Variants in KLRG1 observed in about 807,000 individuals in gnomAD.
KLRG1 encodes the protein killer cell lectin like receptor G1.
A neutral mutation model predicts 21.8 loss-of-function variants in KLRG1; 16 were observed. The ratio of observed to expected loss-of-function variants is 0.73; its 90% CI spans 0.50 to 1.11. The LOEUF (loss-of-function observed/expected upper bound fraction) is 1.11, where lower values mean the gene tolerates loss of function less well. Ranked by LOEUF, KLRG1 falls within the 50% of genes most tolerant of loss-of-function variation. The pLI is 0.00. For missense variants in KLRG1, 173 were observed against 218.3 expected (o/e 0.79, Z 1.31); for synonymous variants, 69 against 75.9 (o/e 0.91, Z 0.47).
the KLRG1 span, among the ~76,000 whole-genome samples, chr12:9,198,250 G>T: frequency 6.6e-6 from 1 of 151,936 alleles, no homozygotes; most frequent in East Asian, 1.9e-4. Flanking sequence ...ACTTAAGGAG[G>T]TTTAGGCAGG....
At chr12:9,201,311 T>C in the KLRG1 span, 4 of 1,526,344 alleles carry the variant, frequency 2.6e-6, no homozygotes, top group Admixed American at 1.7e-5. Context: ...TATAAGATAC[T>C]TTTTCTGATA....
At chr12:9,106,643 A>G in the KLRG1 span, 1 of 1,071,928 alleles carries the variant, frequency 9.3e-7, no homozygotes, top group Non-Finnish European at 1.4e-6. Flanking sequence ...AATATAATGC[A>G]TATTATACTA....
upstream of KLRG1, among the ~76,000 whole-genome samples, chr12:8,989,157 A>G (rs960086558): frequency 6.6e-6 from 1 of 152,170 alleles, no homozygotes; most frequent in Non-Finnish European, 1.5e-5. Context: ...GATTCCAGGC[A>G]TATGCACCCA....
At chr12:9,037,652 T>C in the KLRG1 span, among the ~76,000 whole-genome samples, 1 of 152,220 alleles carries the variant, frequency 6.6e-6, no homozygotes, top group South Asian at 2.1e-4. Flanking sequence ...CAACTTCCAG[T>C]CCTGCAAACC....
chr12:9,018,290 G>C, the KLRG1 span, among the ~76,000 whole-genome samples: 1 of 151,624 alleles, frequency 6.6e-6, no homozygotes, highest in Non-Finnish European at 1.5e-5. Context: ...CACAAACCCA[G>C]AATAGCCAAA....
At chr12:9,064,411 C>T in the KLRG1 span, 3 of 154,282 alleles carry the variant, frequency 1.9e-5, no homozygotes, top group Middle Eastern at 5.2e-4. This position sits in a 1 kb window ranked among gnomAD's most constrained non-coding sequence, Gnocchi z 4.0. Flanking sequence ...CTGTGCCTCG[C>T]GTCCCCTGTG....
At chr12:9,166,204 T>A in the KLRG1 span, 2 of 1,608,588 alleles carry the variant, frequency 1.2e-6, no homozygotes, top group Non-Finnish European at 1.7e-6. Context: ...CTAGACCTGC[T>A]AAAGTAAGAG....
At chr12:9,042,959 A>G in the KLRG1 span, among the ~76,000 whole-genome samples, 1 of 152,130 alleles carries the variant, frequency 6.6e-6, no homozygotes, top group Non-Finnish European at 1.5e-5. Context: ...CAGAATTGCT[A>G]TGATGAGTGA....
chr12:9,069,779 A>G, the KLRG1 span: 1 of 1,613,188 alleles, frequency 6.2e-7, no homozygotes, highest in South Asian at 1.1e-5. Context: ...GTTGCTGCTG[A>G]CTTCTGTCCG....
At chr12:9,128,086 G>T in the KLRG1 span, 1 of 203,572 alleles carries the variant, frequency 4.9e-6, no homozygotes, top group Non-Finnish European at 1.0e-5. Flanking sequence ...CCCCGGCCAG[G>T]GCTGACCTGA....
chr12:9,199,480 A>G, the KLRG1 span, among the ~76,000 whole-genome samples: 2 of 152,168 alleles, frequency 1.3e-5, no homozygotes, highest in African/African-American at 4.8e-5. Context: ...ATTTCTGGTT[A>G]TTGAACAATT....
At chr12:9,152,830 G>A in the KLRG1 span, 1 of 1,614,030 alleles carries the variant, frequency 6.2e-7, no homozygotes. Flanking sequence ...TTACCTGATG[G>A]TCAGTGAGAT....
At chr12:8,957,380 A>G (rs1324751044) in intron 1 of KLRG1, among the ~76,000 whole-genome samples, 2 of 152,256 alleles carry the variant, frequency 1.3e-5, no homozygotes. Context: ...GGCCCATGGC[A>G]GTAACTTCTG....
At chr12:9,067,393 T>C in the KLRG1 span, 9 of 282,578 alleles carry the variant, frequency 3.2e-5, no homozygotes, top group East Asian at 8.4e-4. Context: ...TATTTCATTC[T>C]ACTTCATTTT....
the KLRG1 span, chr12:9,077,353 G>C: frequency 6.2e-7 from 1 of 1,613,082 alleles, no homozygotes; most frequent in Non-Finnish European, 8.5e-7. Flanking sequence ...TACAGTGACT[G>C]TGAGAGGAAT....
chr12:9,194,544 A>C, the KLRG1 span, among the ~76,000 whole-genome samples: 45 of 149,266 alleles, frequency 3.0e-4, no homozygotes, highest in Non-Finnish European at 4.6e-4. Context: ...GGCTCACTGC[A>C]AGCTCTGCCT....
the KLRG1 span, chr12:9,070,573 G>A: frequency 6.2e-7 from 1 of 1,611,758 alleles, no homozygotes; most frequent in Non-Finnish European, 8.5e-7. Flanking sequence ...GCGGCTCCCT[G>A]TGTAACTGAG....
chr12:9,139,919 C>T, the KLRG1 span, among the ~76,000 whole-genome samples: 3 of 152,144 alleles, frequency 2.0e-5, no homozygotes, highest in African/African-American at 7.2e-5. Flanking sequence ...GAGAGCTTAT[C>T]ACAGGCTTGG....
the KLRG1 span, among the ~76,000 whole-genome samples, chr12:9,175,148 A>G: frequency 6.6e-6 from 1 of 152,204 alleles, no homozygotes; most frequent in Non-Finnish European, 1.5e-5. Flanking sequence ...GAACTCAGAG[A>G]TAAAACCGCA....
Sources: gnomAD v4.1 joint callset for allele counts (sites outside exome capture counted in the v4.1 genomes callset) on GRCh38, gnomAD v4.1.1 for gene constraint, Gnocchi (gnomAD v3.1) non-coding constraint, MANE v1.5 for transcripts, NCBI Gene and HGNC (gene_info 2026-07-23, HGNC 2026-07-21) for gene names.